TMC1: variants seen among roughly 807,000 people sequenced by gnomAD.
The protein encoded by TMC1 is transmembrane channel-like protein 1.
In TMC1, 84 loss-of-function variants were observed where a neutral mutation model predicts 105.8. The observed-to-expected ratio is 0.79, with a 90% CI of 0.67 to 0.95. The LOEUF (loss-of-function observed/expected upper bound fraction) is 0.95, where lower values mean the gene tolerates loss of function less well. TMC1 is among the 40% of genes least tolerant of loss of function. TMC1 has a pLI of 0.00. For missense variants in TMC1, 817 were observed against 914.1 expected (o/e 0.89, Z 1.37); for synonymous variants, 315 against 311.5 (o/e 1.01, Z -0.12).
At chr9:72,770,403 A>G (rs1316418879) in intron 12 of TMC1, among the ~76,000 whole-genome samples, 1 of 144,340 alleles carries the variant, frequency 6.9e-6, no homozygotes, top group Non-Finnish European at 1.5e-5. Context: ...ATATATATGC[A>G]TATAAAATTT....
Position 72,830,246 on chromosome 9 carries a change from C to CA in TMC1, c.2130-204dup, listed in dbSNP as rs1446353198. ...GGGCCCCAACTTTCCAACTTCACCC[C>CA]AGCTTCATCCCTATGTCATCCTGAA... On this transcript the variant is annotated intron_variant, in intron 21 of 23. Transcript: ENST00000297784. Among the ~76,000 whole-genome samples the CA allele has an allele frequency of 2.0e-5, 3 of 152,168 alleles. No individual in the cohort carries two copies. The East Asian group carries it at 5.8e-4, about 29-fold the overall frequency.
intron 4 of TMC1, among the ~76,000 whole-genome samples, chr9:72,643,866 G>A (rs1482334408): frequency 6.6e-6 from 1 of 152,160 alleles, no homozygotes; most frequent in Non-Finnish European, 1.5e-5. Context: ...GTTGTCCAAA[G>A]TGTGTACCAT....
rs564137042 is a variant in TMC1, at chr9:72,762,194, T to G, written c.741+7310T>G. On this transcript the variant is annotated intron_variant, in intron 12 of 23. Coordinates refer to ENST00000297784, the MANE Select transcript of TMC1 (RefSeq NM_138691.3). Reference sequence around the variant, plus strand: ...TAACGGTGAGTCTCTAAACAAAGTATGTCCATTAGATAAATTCCATATTGG... The same window carrying G: ...TAACGGTGAGTCTCTAAACAAAGTAGGTCCATTAGATAAATTCCATATTGG... Among the ~76,000 whole-genome samples the G allele has an allele frequency of 4.1e-4, 62 of 152,296 alleles. 1 individual carries two copies. Among genetic ancestry groups the G allele is most frequent in the African/African-American group, 1.4e-3 (60 of 41,564 alleles).
At chr9:72,611,895 C>G (rs534161247) in intron 2 of TMC1, among the ~76,000 whole-genome samples, 10 of 152,172 alleles carry the variant, frequency 6.6e-5, no homozygotes, top group African/African-American at 2.4e-4. Context: ...TATTAAGGCT[C>G]TATGTGGCTA....
At position 72,773,480 on chromosome 9, in the gene TMC1, C is replaced by A. The variant is rs192479176; in HGVS notation, c.884+925C>A. On this transcript the variant is annotated intron_variant, in intron 13 of 23. Transcript: ENST00000297784. The stretch of plus-strand genomic sequence containing the variant: ...CACTTACTTGTTCCTCCAGAGAAAA[C>A]TGCCATATTTCATTTTTAAGCTCTT... 5.8e-4 allele frequency among the ~76,000 whole-genome samples: 88 copies of A among 152,256 alleles called. No individual in the cohort carries two copies. In the Middle Eastern group the frequency reaches 0.01, roughly 18 times the overall value.
At chr9:72,755,193 T>C (rs1827660272) in intron 12 of TMC1, among the ~76,000 whole-genome samples, 1 of 152,114 alleles carries the variant, frequency 6.6e-6, no homozygotes, top group Non-Finnish European at 1.5e-5. Context: ...TATGATTATA[T>C]GGGAATATAG....
At chr9:72,694,956 G>C (rs927657281) in intron 7 of TMC1, among the ~76,000 whole-genome samples, 3 of 152,106 alleles carry the variant, frequency 2.0e-5, no homozygotes, top group Admixed American at 6.6e-5. Context: ...AATTATCATA[G>C]GTCGTTGACA....
chr9:72,680,007 G>A (rs920869058), intron 5 of TMC1, among the ~76,000 whole-genome samples: 1 of 152,126 alleles, frequency 6.6e-6, no homozygotes, highest in Non-Finnish European at 1.5e-5. Context: ...AAAGACGGGG[G>A]CAGAAATAAT....
intron 12 of TMC1, among the ~76,000 whole-genome samples, chr9:72,766,763 A>G (rs151192309): frequency 3.2e-4 from 48 of 152,356 alleles, no homozygotes; most frequent in Admixed American, 9.1e-4. Context: ...GGCTCAGCTC[A>G]GCTTCCTCTT....
At chr9:72,526,359 T>G (rs1823408150) in intron 1 of TMC1, among the ~76,000 whole-genome samples, 1 of 152,224 alleles carries the variant, frequency 6.6e-6, no homozygotes, top group Admixed American at 6.5e-5. Flanking sequence ...TGTAGGACAA[T>G]GGAGAACACA....
In TMC1 at chr9:72,617,056, CAG is replaced by C. The variant is rs1480951734; in HGVS notation, c.-196+583_-196+584del. 3.2e-4 allele frequency among the ~76,000 whole-genome samples: 49 copies of C among 152,240 alleles called. 1 individual carries two copies. Among genetic ancestry groups the C allele is most frequent in the African/African-American group, 1.9e-4 (8 of 41,544 alleles). On this transcript the variant is annotated intron_variant, in intron 3 of 23. Coordinates refer to ENST00000297784, the MANE Select transcript of TMC1 (RefSeq NM_138691.3). Reference sequence around the variant, plus strand: ...AAGCAAAATTAAGTTAAAAATTAGACAGAGATATATAGGATGATTTTTCCTTC... The same window carrying C: ...AAGCAAAATTAAGTTAAAAATTAGACAGATATATAGGATGATTTTTCCTTC...
intron 13 of TMC1, among the ~76,000 whole-genome samples, chr9:72,780,832 C>T (rs1256987910): frequency 6.6e-6 from 1 of 152,084 alleles, no homozygotes; most frequent in Non-Finnish European, 1.5e-5. Flanking sequence ...AAGTTCTTGA[C>T]CCACAAAAAG....
chr9:72,606,983 A>G (rs60441013), intron 2 of TMC1, among the ~76,000 whole-genome samples: 55 of 122,724 alleles, frequency 4.5e-4, no homozygotes, highest in Middle Eastern at 4.8e-3. Flanking sequence ...GTGTGTGTGC[A>G]TATATATATA....
chr9:72,526,109 G>A (rs1362103378), intron 1 of TMC1, among the ~76,000 whole-genome samples: 3 of 152,198 alleles, frequency 2.0e-5, no homozygotes, highest in African/African-American at 7.2e-5. Flanking sequence ...GGGGCTGGGG[G>A]CGTGGGGTGT....
chr9:72,772,377 C>A, intron 12 of TMC1, 36 bp from the exon 13 acceptor site: 1 of 1,613,288 alleles, frequency 6.2e-7, no homozygotes, highest in Middle Eastern at 1.7e-4. Context: ...TTGCTCTTCA[C>A]GACAACTGCT....
At chr9:72,792,148 T>C (rs1471568721) in intron 16 of TMC1, 43 bp from the exon 17 acceptor site, 3 of 1,613,948 alleles carry the variant, frequency 1.9e-6, no homozygotes, top group Middle Eastern at 1.6e-4. Context: ...GCCTTTGAAA[T>C]CTCTGTTGTC....
intron 2 of TMC1, among the ~76,000 whole-genome samples, chr9:72,582,864 A>G (rs1824496537): frequency 6.6e-6 from 1 of 152,236 alleles, no homozygotes; most frequent in South Asian, 2.1e-4. Context: ...TGAGTCAGTG[A>G]TCTAAATTTC....
chr9:72,566,136 C>A (rs1034703481), intron 1 of TMC1, among the ~76,000 whole-genome samples: 1 of 152,126 alleles, frequency 6.6e-6, no homozygotes, highest in Non-Finnish European at 1.5e-5. Context: ...CTCAAGTGAT[C>A]CTCCCTTCTG....
rs578090193 is a variant in TMC1 at position 72,598,790 on chromosome 9, TCTC to T, written c.-305-17577_-305-17575del. Among the ~76,000 whole-genome samples, 199 of 152,332 alleles carry T rather than the reference TCTC, an allele frequency of 1.3e-3. 1 individual carries two copies. The highest frequency in any genetic ancestry group is 4.6e-3 in the African/African-American group (192 of 41,582). On this transcript the variant is annotated intron_variant, in intron 2 of 23. Coordinates refer to ENST00000297784, the MANE Select transcript of TMC1 (RefSeq NM_138691.3). Reference sequence around the variant, plus strand: ...TTGTGAAAATCCTTCCTACTGTTCTTCTCATGGGAGGGGGAGGACTTTGGACTT... The same window carrying T: ...TTGTGAAAATCCTTCCTACTGTTCTTATGGGAGGGGGAGGACTTTGGACTT...
Sources: allele counts gnomAD v4.1 joint callset (sites outside exome capture counted in the v4.1 genomes callset), GRCh38; gene constraint gnomAD v4.1.1; transcripts MANE v1.5; gene names NCBI Gene and HGNC (gene_info 2026-07-23, HGNC 2026-07-21).